Variants in TRMT61B observed in about 807,000 individuals in gnomAD.
TRMT61B encodes tRNA (adenine(58)-N(1))-methyltransferase, mitochondrial.
Under a neutral mutation model 52.0 loss-of-function variants are expected in TRMT61B, and 56 were observed. That is an observed-to-expected ratio of 1.08 (90% confidence interval 0.87 to 1.35). The LOEUF is 1.35. TRMT61B is among the 40% of genes most tolerant of loss of function. TRMT61B has a pLI of 0.00. For synonymous variants in TRMT61B, 206 were observed against 220.0 expected (o/e 0.94, Z 0.56); for missense variants, 650 against 577.9 (o/e 1.12, Z -1.28).
intron 3 of TRMT61B, among the ~76,000 whole-genome samples, chr2:28,857,924 T>C (rs1158483966): frequency 4.6e-5 from 7 of 152,238 alleles, no homozygotes; most frequent in Non-Finnish European, 8.8e-5. Context: ...TAATGCTTTT[T>C]CCACCAAACA....
intron 5 of TRMT61B, 48 bp from the exon 6 acceptor site, chr2:28,850,453 A>AT (rs780343762): frequency 5.4e-6 from 7 of 1,284,510 alleles, no homozygotes; most frequent in African/African-American, 3.0e-5. Flanking sequence ...AATATTTTCT[A>AT]TTTTTTTCAC....
rs542049009 is a variant in TRMT61B at position 28,865,259 on chromosome 2, T to A, written c.700-140A>T. ...TCTGGACCTGCCTTCAGTTTATATTTCACTTGATGAAATAAAAGAGATCCA... is the reference window on the plus strand; with the variant it reads ...TCTGGACCTGCCTTCAGTTTATATTACACTTGATGAAATAAAAGAGATCCA... On this transcript the variant is annotated intron_variant, in intron 1 of 6. Transcript: ENST00000306108. 9 of 557,318 alleles carry A rather than the reference T, an allele frequency of 1.6e-5. No individual in the cohort carries two copies. In the South Asian group the frequency reaches 2.3e-4, roughly 15 times the overall value. The allele number at this position is 557,318 out of a possible 1,614,324, so 34.5% of individuals were successfully genotyped here. A position where few individuals can be genotyped will look rare whatever the true frequency, so the allele number is the denominator to read the frequency against.
chr2:28,853,740 G>A (rs1476428472), intron 3 of TRMT61B, among the ~76,000 whole-genome samples: 1 of 152,078 alleles, frequency 6.6e-6, no homozygotes. Context: ...GAAGGCTGAG[G>A]CAGGACAATT....
chr2:28,854,920 AAAAC>A (rs1669278357), intron 3 of TRMT61B, among the ~76,000 whole-genome samples: 1 of 152,096 alleles, frequency 6.6e-6, no homozygotes, highest in Non-Finnish European at 1.5e-5. Flanking sequence ...ACCCTATCTC[AAAAC>A]AAACAAAATA....
At chr2:28,861,870 G>A (rs1284563890) in intron 2 of TRMT61B, 1 of 152,170 alleles carries the variant, frequency 6.6e-6, no homozygotes, top group African/African-American at 2.4e-5. Flanking sequence ...CTCCACGTAA[G>A]TGGTGTCAAC....
intron 1 of TRMT61B, among the ~76,000 whole-genome samples, chr2:28,868,464 T>TTTA (rs1452231838): frequency 6.6e-6 from 1 of 152,250 alleles, no homozygotes; most frequent in Non-Finnish European, 1.5e-5. Flanking sequence ...GGAAATGACC[T>TTTA]TATTCTTTCA....
chr2:28,850,601 T>C (rs115860852), intron 5 of TRMT61B, 196 bp from the exon 6 acceptor site: 199 of 515,992 alleles, frequency 3.9e-4, no homozygotes, highest in African/African-American at 3.6e-3. Context: ...CATATGATTT[T>C]ATAACCAAAT....
At chr2:28,850,919 T>A in intron 5 of TRMT61B, among the ~76,000 whole-genome samples, 153 bp downstream of exon 5, 1 of 152,236 alleles carries the variant, frequency 6.6e-6, no homozygotes, top group South Asian at 2.1e-4. Context: ...GCAGGAAAAG[T>A]CATTATTCTG....
At chr2:28,866,116 A>G (rs1487374811) in intron 1 of TRMT61B, among the ~76,000 whole-genome samples, 1 of 151,170 alleles carries the variant, frequency 6.6e-6, no homozygotes, top group Non-Finnish European at 1.5e-5. Context: ...CAGCCTCCCA[A>G]GTAGCTGGGA....
chr2:28,850,075 T>C lies in TRMT61B; in HGVS notation c.*124A>G, dbSNP rs1669006497. Reference sequence around the variant, plus strand: ...TTTAGTTGTTATTTTCAAAATTATATGTATAAGTTATATAAGTCATAGTAA... The same window carrying C: ...TTTAGTTGTTATTTTCAAAATTATACGTATAAGTTATATAAGTCATAGTAA... On this transcript the variant is annotated 3_prime_UTR_variant, in exon 7 of 7. Coordinates refer to ENST00000306108, the MANE Select transcript of TRMT61B (RefSeq NM_017910.4). 9.5e-6 allele frequency: 11 copies of C among 1,159,306 alleles called. No individual in the cohort carries two copies. In the East Asian group the frequency reaches 2.0e-4, roughly 21 times the overall value. The allele number at this position is 1,159,306 out of a possible 1,614,324, so 71.8% of individuals were successfully genotyped here.
intron 1 of TRMT61B, among the ~76,000 whole-genome samples, chr2:28,867,645 T>C (rs1406201375): frequency 6.6e-6 from 1 of 152,210 alleles, no homozygotes; most frequent in African/African-American, 2.4e-5. Flanking sequence ...GTATACTAAA[T>C]ATGCATATTT....
intron 3 of TRMT61B, 51 bp downstream of exon 3, chr2:28,861,067 A>G (rs1669577437): frequency 1.4e-6 from 2 of 1,461,300 alleles, no homozygotes; most frequent in African/African-American, 1.5e-5. Flanking sequence ...CCTGACCCCT[A>G]TCTTCTTTAT....
At position 28,864,387 on chromosome 2, in the gene TRMT61B, T is replaced by C. The variant is rs148865067; in HGVS notation, c.802+630A>G. On this transcript the variant is annotated intron_variant, in intron 2 of 6. Coordinates refer to ENST00000306108, the MANE Select transcript of TRMT61B (RefSeq NM_017910.4). ...GTCTATCAACAGTAAAATAGGTAAA[T>C]TGTGATTTAAATAGAGAGTATTATA... 2.5e-3 allele frequency among the ~76,000 whole-genome samples: 386 copies of C among 152,064 alleles called. 4 individuals are homozygous for C. The highest frequency in any genetic ancestry group is 8.8e-3 in the African/African-American group (364 of 41,460).
rs1479355953 is a variant in TRMT61B at position 28,851,272 on chromosome 2, T to C, written c.1112A>G (p.Asp371Gly). Residue 371 changes from aspartate to glycine, a missense_variant, in exon 5 of 7, where the codon GAT becomes GGT. Asp to Gly is a moderately conservative substitution (Grantham distance 94). Transcript: ENST00000306108. ...VNITQVIELL[D>G]GIRTCELALS... ...AGCAAGTTCACAGGTGCGAATTCCA[T>C]CTAAAAGTTCAATAACCTGTGTGAT... The C allele has an allele frequency of 3.0e-5, 48 of 1,612,770 alleles. No individual in the cohort carries two copies. The highest frequency in any genetic ancestry group is 3.9e-5 in the Non-Finnish European group (46 of 1,179,546).
chr2:28,865,592 G>T (rs1246589828), intron 1 of TRMT61B, among the ~76,000 whole-genome samples: 1 of 151,622 alleles, frequency 6.6e-6, no homozygotes, highest in African/African-American at 2.4e-5. Context: ...AAGAATACAG[G>T]ATCTACTGGA....
intron 3 of TRMT61B, among the ~76,000 whole-genome samples, chr2:28,859,742 T>C (rs1025908045): frequency 2.0e-5 from 3 of 152,332 alleles, no homozygotes; most frequent in South Asian, 4.1e-4. Context: ...AATGATATCA[T>C]TAAAATCCTT....
intron 3 of TRMT61B, among the ~76,000 whole-genome samples, chr2:28,854,962 A>T (rs1197482362): frequency 6.6e-6 from 1 of 152,168 alleles, no homozygotes; most frequent in African/African-American, 2.4e-5. Context: ...AGAAAGGGAC[A>T]GGTCAGGGAA....
At chr2:28,854,047 G>C (rs1054899279) in intron 3 of TRMT61B, among the ~76,000 whole-genome samples, 4 of 152,068 alleles carry the variant, frequency 2.6e-5, no homozygotes, top group Admixed American at 1.3e-4. Context: ...GAGATATGCT[G>C]GCATATCTAT....
intron 2 of TRMT61B, among the ~76,000 whole-genome samples, chr2:28,862,526 G>A (rs1669652856): frequency 6.6e-6 from 1 of 150,800 alleles, no homozygotes; most frequent in Non-Finnish European, 1.5e-5. Flanking sequence ...TAGAGACAGG[G>A]TTTCGCCATG....
Sources: gnomAD v4.1 joint callset for allele counts (sites outside exome capture counted in the v4.1 genomes callset) on GRCh38, gnomAD v4.1.1 for gene constraint, MANE v1.5 for transcripts, NCBI Gene and HGNC (gene_info 2026-07-23, HGNC 2026-07-21) for gene names.